Variants in SHANK2 observed in about 807,000 individuals in gnomAD.
SHANK2 encodes SH3 and multiple ankyrin repeat domains 2.
SHANK2 carries 43 observed loss-of-function variants against 133.7 expected under a neutral mutation model. That is an observed-to-expected ratio of 0.32 (90% CI 0.25 to 0.41). SHANK2 has a LOEUF of 0.41. Among genes scored for constraint, SHANK2 ranks in the 10% least tolerant of loss-of-function variants. The pLI is 1.00. For synonymous variants in SHANK2, 1,017 were observed against 952.8 expected, an observed-to-expected ratio of 1.07 and a Z score of -1.24; for missense variants, 1,994 against 2,235.8, an observed-to-expected ratio of 0.89 and a Z score of 2.18.
At chr11:70,930,560 G>T (rs1190340609) in intron 10 of SHANK2, among the ~76,000 whole-genome samples, 2 of 151,968 alleles carry the variant, frequency 1.3e-5, no homozygotes, top group African/African-American at 4.8e-5. Flanking sequence ...CTGAACCTAA[G>T]CCACTCTCAA....
At chr11:70,594,232 C>T (rs1220632410) in intron 17 of SHANK2, among the ~76,000 whole-genome samples, 2 of 152,222 alleles carry the variant, frequency 1.3e-5, no homozygotes, top group Admixed American at 6.5e-5. Context: ...GCAGCTTTGA[C>T]ATGCCGGGGC....
At position 70,825,367 on chromosome 11, in the gene SHANK2, C is replaced by A. The variant is rs569316382; in HGVS notation, c.1175-4685G>T. On this transcript the variant is annotated intron_variant, in intron 11 of 25. Coordinates refer to ENST00000601538, the MANE Select transcript of SHANK2 (RefSeq NM_012309.5). ...AATAATGTCAGAAAATGGGCACAGA[C>A]AAAGGTTGTTATTTATATACATTCC... Among the ~76,000 whole-genome samples, 75 of 152,208 alleles carry A rather than the reference C, an allele frequency of 4.9e-4. 1 individual carries two copies. Among genetic ancestry groups the A allele is most frequent in the Admixed American group, 4.2e-3 (64 of 15,294 alleles).
chr11:71,178,857 CCTGTAATCCCAGCTACTCAGCAGG>C (rs1282245571), intron 2 of SHANK2, among the ~76,000 whole-genome samples: 1 of 152,064 alleles, frequency 6.6e-6, no homozygotes, highest in Non-Finnish European at 1.5e-5. Flanking sequence ...GTGGTGCACG[CCTGTAATCCCAGCTACTCAGCAGG>C]CTGAGGCATG....
At chr11:70,692,376 C>T (rs782396462) in intron 15 of SHANK2, among the ~76,000 whole-genome samples, 1 of 152,182 alleles carries the variant, frequency 6.6e-6, no homozygotes, top group Admixed American at 6.5e-5. Context: ...ATCCTTAACA[C>T]GAACACAACT....
At chr11:70,552,323 C>T (rs530561014) in intron 17 of SHANK2, among the ~76,000 whole-genome samples, 2 of 152,308 alleles carry the variant, frequency 1.3e-5, no homozygotes, top group East Asian at 3.9e-4. Flanking sequence ...CCAGGCCAAG[C>T]CTCGGGAGGT....
At chr11:70,784,180 C>CTT (rs1160381914) in intron 14 of SHANK2, among the ~76,000 whole-genome samples, 5 of 142,014 alleles carry the variant, frequency 3.5e-5, no homozygotes, top group Non-Finnish European at 3.1e-5. Context: ...GAAACCCCTG[C>CTT]TTTTTTTTTT....
intron 17 of SHANK2, among the ~76,000 whole-genome samples, chr11:70,527,249 T>C (rs933802151): frequency 3.7e-4 from 57 of 152,202 alleles, no homozygotes; most frequent in Non-Finnish European, 1.2e-4. Flanking sequence ...CCCCCAGGAC[T>C]CCTGTAGTTA....
chr11:70,577,669 T>C (rs1554984578), intron 17 of SHANK2, among the ~76,000 whole-genome samples: 1 of 141,368 alleles, frequency 7.1e-6, no homozygotes. Context: ...CACCCCCACC[T>C]GAGCATTCAG....
At chr11:70,557,373 T>C (rs1258817193) in intron 17 of SHANK2, among the ~76,000 whole-genome samples, 1 of 152,134 alleles carries the variant, frequency 6.6e-6, no homozygotes, top group Non-Finnish European at 1.5e-5. Flanking sequence ...CTGAGGCTCT[T>C]GCTGCTAACC....
intron 9 of SHANK2, among the ~76,000 whole-genome samples, chr11:71,073,136 C>CTTTTCTTTTTTTTTTTTT (rs1951164763): frequency 6.9e-5 from 5 of 72,398 alleles, no homozygotes; most frequent in Non-Finnish European, 1.7e-4. Flanking sequence ...TGTTTTTTTT[C>CTTTTCTTTTTTTTTTTTT]TTTTTCTTTT....
chr11:71,109,645 CA>C (rs1446029451), intron 6 of SHANK2, among the ~76,000 whole-genome samples: 4 of 152,248 alleles, frequency 2.6e-5, no homozygotes, highest in Admixed American at 6.5e-5. Flanking sequence ...CCAAGGCTGG[CA>C]CAACACATGC....
chr11:71,204,932 G>A (rs1341578625), intron 2 of SHANK2, among the ~76,000 whole-genome samples: 2 of 152,072 alleles, frequency 1.3e-5, no homozygotes, highest in East Asian at 3.9e-4. Context: ...ATGGAGATGA[G>A]GGAGGCAGGG....
intron 21 of SHANK2, among the ~76,000 whole-genome samples, chr11:70,492,909 C>T (rs570517341): frequency 1.4e-5 from 2 of 145,078 alleles, no homozygotes; most frequent in African/African-American, 2.5e-5. Context: ...AATTCTCTTG[C>T]GTCAGCCTCA....
At chr11:70,651,322 T>C (rs1217687751) in intron 17 of SHANK2, among the ~76,000 whole-genome samples, 1 of 152,202 alleles carries the variant, frequency 6.6e-6, no homozygotes, top group African/African-American at 2.4e-5. Flanking sequence ...GTTGCCGAGC[T>C]GCCCGCATCC....
intron 5 of SHANK2, among the ~76,000 whole-genome samples, chr11:71,110,561 A>G (rs935062882): frequency 2.0e-5 from 3 of 152,190 alleles, no homozygotes; most frequent in African/African-American, 7.2e-5. Context: ...ATGCCTCTGC[A>G]CTCCAGCCTG....
intron 17 of SHANK2, among the ~76,000 whole-genome samples, chr11:70,552,628 T>C (rs892102152): frequency 1.3e-5 from 2 of 152,170 alleles, no homozygotes; most frequent in Non-Finnish European, 2.9e-5. Flanking sequence ...CGGGCCACCA[T>C]GGGCTGCCTC....
intron 14 of SHANK2, among the ~76,000 whole-genome samples, chr11:70,704,894 G>C (rs1221738923): frequency 3.9e-5 from 6 of 151,924 alleles, no homozygotes; most frequent in Admixed American, 3.3e-4. Flanking sequence ...GTAGGCCCTT[G>C]AAATTAATTT....
intron 9 of SHANK2, among the ~76,000 whole-genome samples, chr11:71,062,861 G>A (rs1951003614): frequency 6.6e-6 from 1 of 151,962 alleles, no homozygotes; most frequent in African/African-American, 2.4e-5. Context: ...GCCAGGAGCG[G>A]TGGTGCGTGC....
chr11:70,845,198 C>CAAAAAAAAAAAAAAAAAAAAAAAA (rs782471301), intron 11 of SHANK2, among the ~76,000 whole-genome samples: 5 of 51,624 alleles, frequency 9.7e-5, no homozygotes, highest in Non-Finnish European at 1.9e-4. Context: ...GACTCTGTCT[C>CAAAAAAAAAAAAAAAAAAAAAAAA]AAAAAAAAAA....
Sources: gnomAD v4.1 joint callset for allele counts (sites outside exome capture counted in the v4.1 genomes callset) on GRCh38, gnomAD v4.1.1 for gene constraint, MANE v1.5 for transcripts, NCBI Gene and HGNC (gene_info 2026-07-23, HGNC 2026-07-21) for gene names.